The following PCSK5 variants were observed in gnomAD, a reference collection of about 807,000 sequenced individuals.
PCSK5 encodes proprotein convertase subtilisin/kexin type 5, also known as prohormone convertase 5.
In PCSK5, 129 loss-of-function variants were observed where a neutral mutation model predicts 233.2. The observed-to-expected ratio is 0.55, with a 90% CI of 0.48 to 0.64. The LOEUF (loss-of-function observed/expected upper bound fraction) is 0.64, where lower values mean the gene tolerates loss of function less well. Among genes scored for constraint, PCSK5 ranks in the 30% least tolerant of loss-of-function variants. PCSK5 has a pLI of 0.00. For missense variants in PCSK5, 2,076 were observed against 2,430.1 expected, an observed-to-expected ratio of 0.85 and a Z score of 3.06; for synonymous variants, 825 against 879.2, an observed-to-expected ratio of 0.94 and a Z score of 1.09.
chr9:76,067,804 G>T, intron 5 of PCSK5, 151 bp from the exon 6 acceptor site: 1 of 640,366 alleles, frequency 1.6e-6, no homozygotes, highest in East Asian at 2.6e-5. Flanking sequence ...CTAGAAGTTT[G>T]CCATGGACAG....
chr9:76,137,188 A>G (rs1823021364), intron 10 of PCSK5, among the ~76,000 whole-genome samples: 1 of 152,104 alleles, frequency 6.6e-6, no homozygotes, highest in Admixed American at 6.6e-5. Flanking sequence ...CAGGCCAGGA[A>G]GTTGGCCTTG....
intron 10 of PCSK5, among the ~76,000 whole-genome samples, chr9:76,150,313 T>C (rs1461407695): frequency 6.6e-6 from 1 of 151,992 alleles, no homozygotes; most frequent in Non-Finnish European, 1.5e-5. Flanking sequence ...GAGCCTGAGA[T>C]TTTAGGAAGA....
At chr9:76,166,665 C>T (rs890828514) in intron 12 of PCSK5, among the ~76,000 whole-genome samples, 10 of 152,158 alleles carry the variant, frequency 6.6e-5, no homozygotes, top group South Asian at 2.1e-4. Flanking sequence ...CTTTTAAGTT[C>T]GGCACTCTTG....
At chr9:76,162,029 A>G (rs1047515782) in intron 12 of PCSK5, among the ~76,000 whole-genome samples, 2 of 152,202 alleles carry the variant, frequency 1.3e-5, no homozygotes, top group Admixed American at 1.3e-4. Flanking sequence ...ATAAGTAGCC[A>G]CTGAAGGGAG....
Position 76,097,282 on chromosome 9 carries a change from T to A in PCSK5, c.1107+1180T>A, listed in dbSNP as rs573638854. On this transcript the variant is annotated intron_variant, in intron 8 of 37. Coordinates refer to ENST00000674117, the MANE Select transcript of PCSK5 (RefSeq NM_001372043.1). The stretch of plus-strand genomic sequence containing the variant: ...TTTTTTTTTTTTTTGAGACGGAGTC[T>A]CGCTCTGTCGCCCAGGCGGGACTGC... Among the ~76,000 whole-genome samples the A allele has an allele frequency of 4.7e-5, 5 of 107,406 alleles. No individual in the cohort carries two copies. In the Admixed American group the frequency reaches 5.7e-4, roughly 12 times the overall value. 70.5% of individuals were successfully genotyped at this position (107,406 alleles called of 152,430 possible). A position where few individuals can be genotyped will look rare whatever the true frequency, so the allele number is the denominator to read the frequency against.
In PCSK5 at chr9:76,351,529, A is replaced by AAAGG. The variant is rs1471954374; in HGVS notation, c.5067+608_5067+611dup. ...GAAAGAAAGAAAGAAAGAAAGAAAG[A>AAAGG]AAGGAAGGAAAGAAAGAGAAAGAAG... On this transcript the variant is annotated intron_variant, in intron 36 of 37. Transcript: ENST00000674117. 1.2e-3 allele frequency among the ~76,000 whole-genome samples: 129 copies of AAAGG among 108,694 alleles called. 12 individuals are homozygous for AAAGG. The highest frequency in any genetic ancestry group is 3.4e-3 in the African/African-American group (104 of 31,040). The allele number at this position is 108,694 out of a possible 152,430, so 71.3% of individuals were successfully genotyped here.
chr9:76,010,580 G>A (rs1827688439), intron 3 of PCSK5, among the ~76,000 whole-genome samples: 1 of 152,060 alleles, frequency 6.6e-6, no homozygotes, highest in South Asian at 2.1e-4. Flanking sequence ...TTGGATCTCT[G>A]TAACTCCAAT....
At chr9:76,218,732 T>C (rs1825627009) in intron 20 of PCSK5, among the ~76,000 whole-genome samples, 1 of 152,152 alleles carries the variant, frequency 6.6e-6, no homozygotes, top group Admixed American at 6.5e-5. Flanking sequence ...TTTGATTAAT[T>C]TCACACAGCT....
intron 34 of PCSK5, 127 bp downstream of exon 34, chr9:76,332,737 G>A (rs1229260433): frequency 1.4e-6 from 1 of 695,622 alleles, no homozygotes; most frequent in African/African-American, 1.8e-5. Flanking sequence ...GTGCTAGTAA[G>A]GAGCAAAGAT....
In PCSK5 at chr9:76,358,854, G is replaced by A. The variant is rs1830371687; in HGVS notation, c.5596G>A (p.Gly1866Arg). Reference protein sequence around the residue: ...DGTVYRKFKYGLLDDDDIDEL... With the variant: ...DGTVYRKFKYRLLDDDDIDEL... ...CACAGTCTACCGGAAATTTAAATAT[G>A]GGCTGCTGGATGACGATGACATAGA... Residue 1866 changes from glycine to arginine, a missense_variant, in exon 38 of 38, where the codon GGG becomes AGG. Physicochemically the swap from Gly to Arg is moderately radical, Grantham distance 125. Around this residue, in one of 6 missense-constraint regions of PCSK5, gnomAD observed 1,510 missense variants for 1,538.1 expected, o/e 0.98. Coordinates refer to ENST00000674117, the MANE Select transcript of PCSK5 (RefSeq NM_001372043.1). The A allele has an allele frequency of 1.2e-6, 2 of 1,612,660 alleles. No homozygotes were observed. Among genetic ancestry groups the A allele is most frequent in the Admixed American group, 1.7e-5 (1 of 59,976 alleles).
chr9:76,185,957 T>C (rs1024905104), intron 17 of PCSK5, among the ~76,000 whole-genome samples: 19 of 152,230 alleles, frequency 1.2e-4, no homozygotes, highest in African/African-American at 3.9e-4. Flanking sequence ...AATTATTTTA[T>C]TTCTTAGGGA....
At position 76,337,025 on chromosome 9, in the gene PCSK5, T is replaced by C. The variant is rs76286923; in HGVS notation, c.4749-1205T>C. 6.6e-5 allele frequency among the ~76,000 whole-genome samples: 10 copies of C among 151,918 alleles called. No individual in the cohort carries two copies. The East Asian group carries it at 1.4e-3, about 21-fold the overall frequency. On this transcript the variant is annotated intron_variant, in intron 34 of 37. Transcript: ENST00000674117. Reference sequence around the variant, plus strand: ...ACTTAATGAATAGTGGTTATAGTTATCATATTTAACTTCCAAAAATCTTTT... The same window carrying C: ...ACTTAATGAATAGTGGTTATAGTTACCATATTTAACTTCCAAAAATCTTTT...
rs200402667 is a variant in PCSK5, at chr9:76,324,665, CT to C, written c.4339+1379del. ...AAGGATCTGCTATTATTTATACCTC[CT>C]TATGTTTTAACTCGGCATGAATCAT... On this transcript the variant is annotated intron_variant, in intron 32 of 37. Coordinates refer to ENST00000674117, the MANE Select transcript of PCSK5 (RefSeq NM_001372043.1). Among the ~76,000 whole-genome samples the C allele has an allele frequency of 5.5e-3, 843 of 152,236 alleles. 10 individuals are homozygous for C. Among genetic ancestry groups the C allele is most frequent in the African/African-American group, 0.016 (669 of 41,546 alleles).
intron 1 of PCSK5, among the ~76,000 whole-genome samples, chr9:75,911,164 T>C (rs1822709040): frequency 6.6e-6 from 1 of 150,960 alleles, no homozygotes; most frequent in African/African-American, 2.4e-5. Flanking sequence ...ACAAGAACTA[T>C]TTTGAAATAA....
Position 76,024,022 on chromosome 9 carries a change from G to A in PCSK5, c.555+141G>A, listed in dbSNP as rs10121786. On this transcript the variant is annotated intron_variant, in intron 4 of 37. Coordinates refer to ENST00000674117, the MANE Select transcript of PCSK5 (RefSeq NM_001372043.1). ...TGTGTTTTGCTTCTCTCTGGTAAAA[G>A]ATGAGAATTCTTTGAATACAGGAAG... The A allele has an allele frequency of 3.4e-3, 2,071 of 615,374 alleles. 24 individuals are homozygous for A. Among genetic ancestry groups the A allele is most frequent in the African/African-American group, 0.028 (1,516 of 53,206 alleles). The allele number at this position is 615,374 out of a possible 1,614,324, so 38.1% of individuals were successfully genotyped here.
At chr9:76,005,485 G>A (rs1827437955) in intron 3 of PCSK5, among the ~76,000 whole-genome samples, 1 of 152,100 alleles carries the variant, frequency 6.6e-6, no homozygotes, top group Non-Finnish European at 1.5e-5. Context: ...CACTTAATCT[G>A]TTCTTGGAAA....
intron 35 of PCSK5, among the ~76,000 whole-genome samples, chr9:76,348,815 A>G (rs555905409): frequency 1.4e-4 from 21 of 145,220 alleles, no homozygotes; most frequent in African/African-American, 5.1e-4. Flanking sequence ...CCCAGCCCCC[A>G]GCCTCTGGTA....
At chr9:75,964,045 A>G (rs1825469871) in intron 2 of PCSK5, among the ~76,000 whole-genome samples, 1 of 152,250 alleles carries the variant, frequency 6.6e-6, no homozygotes, top group African/African-American at 2.4e-5. Flanking sequence ...AAATGGAAAC[A>G]ACATCCAACT....
chr9:76,199,446 G>A (rs1397751253), intron 20 of PCSK5, among the ~76,000 whole-genome samples: 1 of 152,174 alleles, frequency 6.6e-6, no homozygotes, highest in African/African-American at 2.4e-5. Flanking sequence ...TAGAATAAAG[G>A]TGAATTTTAA....
Sources: allele counts gnomAD v4.1 joint callset (sites outside exome capture counted in the v4.1 genomes callset), GRCh38; gene constraint gnomAD v4.1.1; regional missense constraint gnomAD v4.1.1; transcripts MANE v1.5; gene names NCBI Gene and HGNC (gene_info 2026-07-23, HGNC 2026-07-21).